OLA1: variants seen among roughly 807,000 people sequenced by gnomAD.
OLA1 encodes Obg like ATPase 1.
Under a neutral mutation model 48.4 loss-of-function variants are expected in OLA1, and 14 were observed. The ratio of observed to expected loss-of-function variants is 0.29; its 90% CI spans 0.19 to 0.45. OLA1 has a LOEUF of 0.45. Ranked by LOEUF, OLA1 falls within the 20% of genes least tolerant of loss-of-function variation. The pLI is 1.00. For missense variants in OLA1, 325 were observed against 467.1 expected, an observed-to-expected ratio of 0.70 and a Z score of 2.80; for synonymous variants, 127 against 150.4, an observed-to-expected ratio of 0.84 and a Z score of 1.14.
chr2:174,202,892 T>C (rs999882174), intron 4 of OLA1, among the ~76,000 whole-genome samples: 4 of 152,148 alleles, frequency 2.6e-5, no homozygotes, highest in Admixed American at 1.3e-4. Flanking sequence ...AGTAGAGATT[T>C]TGGGGAGTCA....
intron 1 of OLA1, chr2:174,247,903 A>G: frequency 9.1e-7 from 1 of 1,102,634 alleles, no homozygotes; most frequent in Non-Finnish European, 1.3e-6. Context: ...GTGAAATCAC[A>G]AAGACCGCTA....
intron 4 of OLA1, among the ~76,000 whole-genome samples, chr2:174,157,454 G>A (rs572036387): frequency 5.9e-5 from 9 of 152,250 alleles, no homozygotes; most frequent in Non-Finnish European, 1.0e-4. Context: ...CCATTTAAAA[G>A]TTATACTAAG....
At chr2:174,188,129 G>A (rs2105420008) in intron 4 of OLA1, among the ~76,000 whole-genome samples, 1 of 152,258 alleles carries the variant, frequency 6.6e-6, no homozygotes, top group Non-Finnish European at 1.5e-5. Context: ...AGTACATATG[G>A]ACCACATGGT....
intron 2 of OLA1, among the ~76,000 whole-genome samples, chr2:174,242,656 T>C (rs1308933228): frequency 6.6e-6 from 1 of 152,194 alleles, no homozygotes; most frequent in African/African-American, 2.4e-5. Flanking sequence ...AAACTGGTTA[T>C]CTGGGGTTTT....
chr2:174,229,568 A>C (rs1332925194), intron 2 of OLA1, 117 bp from the exon 3 acceptor site: 1 of 704,144 alleles, frequency 1.4e-6, no homozygotes, highest in Non-Finnish European at 2.3e-6. Flanking sequence ...CAATCTACAA[A>C]GAGAGGGAAA....
intron 7 of OLA1, among the ~76,000 whole-genome samples, chr2:174,085,557 G>A (rs778182870): frequency 2.6e-5 from 4 of 152,164 alleles, no homozygotes; most frequent in Non-Finnish European, 5.9e-5. Context: ...CAACAAGGTC[G>A]GGGACCGCTT....
intron 5 of OLA1, among the ~76,000 whole-genome samples, chr2:174,125,960 C>G (rs1485635025): frequency 3.3e-5 from 5 of 152,008 alleles, no homozygotes; most frequent in African/African-American, 1.2e-4. Flanking sequence ...CTTAATTATT[C>G]CCACAAAAGA....
chr2:174,238,271 G>A (rs10460313), intron 2 of OLA1, among the ~76,000 whole-genome samples: 20,920 of 152,062 alleles, frequency 0.14, 1,620 homozygotes, highest in East Asian at 0.23. Flanking sequence ...GGAGGCAGGC[G>A]GATCACCTGA....
At chr2:174,200,090 T>A (rs1300904299) in intron 4 of OLA1, among the ~76,000 whole-genome samples, 1 of 152,202 alleles carries the variant, frequency 6.6e-6, no homozygotes, top group Non-Finnish European at 1.5e-5. Flanking sequence ...TATGTACACA[T>A]ATAATGGGTT....
chr2:174,204,869 C>A (rs899099961), intron 4 of OLA1, among the ~76,000 whole-genome samples: 2 of 152,116 alleles, frequency 1.3e-5, no homozygotes, highest in Admixed American at 1.3e-4. Flanking sequence ...GAATCAGTTT[C>A]CCCATCTCTA....
intron 7 of OLA1, among the ~76,000 whole-genome samples, chr2:174,111,903 A>C (rs1458459661): frequency 6.6e-6 from 1 of 152,230 alleles, no homozygotes; most frequent in African/African-American, 2.4e-5. Flanking sequence ...AAAAATATAT[A>C]AACTCTTTTA....
chr2:174,152,408 A>G (rs1280970377), intron 4 of OLA1, among the ~76,000 whole-genome samples: 1 of 152,184 alleles, frequency 6.6e-6, no homozygotes, highest in Non-Finnish European at 1.5e-5. Flanking sequence ...GTCTCAAAAA[A>G]TAAAAATAAA....
At chr2:174,197,880 A>G (rs1023294597) in intron 4 of OLA1, among the ~76,000 whole-genome samples, 42 of 152,352 alleles carry the variant, frequency 2.8e-4, no homozygotes, top group South Asian at 2.1e-4. Context: ...ATTAATTTGT[A>G]AGCAAGGGGT....
chr2:174,156,308 C>T (rs1686876144), intron 4 of OLA1, among the ~76,000 whole-genome samples: 1 of 152,110 alleles, frequency 6.6e-6, no homozygotes, highest in Admixed American at 6.5e-5. Flanking sequence ...CACACGCACA[C>T]AAGCACCCCA....
At chr2:174,099,717 TATTA>T (rs1288615191) in intron 7 of OLA1, among the ~76,000 whole-genome samples, 1 of 152,228 alleles carries the variant, frequency 6.6e-6, no homozygotes, top group Non-Finnish European at 1.5e-5. Context: ...AAAATAATTT[TATTA>T]ATGACATATA....
At chr2:174,244,714 C>A (rs561719085) in intron 2 of OLA1, among the ~76,000 whole-genome samples, 4 of 152,068 alleles carry the variant, frequency 2.6e-5, no homozygotes, top group South Asian at 2.1e-4. Context: ...ACCTCCACCC[C>A]CCGGGCTCAA....
intron 3 of OLA1, among the ~76,000 whole-genome samples, chr2:174,227,048 C>T (rs796511672): frequency 2.6e-5 from 4 of 151,786 alleles, no homozygotes; most frequent in African/African-American, 9.7e-5. Flanking sequence ...GAGCTGTGAT[C>T]ACACCACTGC....
intron 7 of OLA1, among the ~76,000 whole-genome samples, chr2:174,110,948 G>A (rs1219362520): frequency 6.6e-6 from 1 of 152,078 alleles, no homozygotes; most frequent in African/African-American, 2.4e-5. Flanking sequence ...AATTACAACT[G>A]CCAGGAACTA....
intron 4 of OLA1, among the ~76,000 whole-genome samples, chr2:174,181,119 A>G (rs569510148): frequency 6.6e-6 from 1 of 152,252 alleles, no homozygotes; most frequent in African/African-American, 2.4e-5. Flanking sequence ...AGTATGGCAA[A>G]ACAAATAATA....
Sources: allele counts gnomAD v4.1 joint callset (sites outside exome capture counted in the v4.1 genomes callset), GRCh38; gene constraint gnomAD v4.1.1; transcripts MANE v1.5; gene names NCBI Gene and HGNC (gene_info 2026-07-23, HGNC 2026-07-21).